GPC6: variants seen among roughly 807,000 people sequenced by gnomAD.
GPC6 encodes glypican-6.
In GPC6, 14 loss-of-function variants were observed where a neutral mutation model predicts 55.2. That is an observed-to-expected ratio of 0.25 (90% CI 0.17 to 0.40). The LOEUF (loss-of-function observed/expected upper bound fraction) is 0.40. Ranked by LOEUF, GPC6 falls within the 10% of genes least tolerant of loss-of-function variation. GPC6 has a pLI of 1.00. For missense variants in GPC6, 641 were observed against 708.5 expected (o/e 0.90, Z 1.08); for synonymous variants, 278 against 259.6 (o/e 1.07, Z -0.68).
At chr13:93,761,576 G>A (rs1201571780) in intron 2 of GPC6, among the ~76,000 whole-genome samples, 1 of 151,990 alleles carries the variant, frequency 6.6e-6, no homozygotes, top group Non-Finnish European at 1.5e-5. Flanking sequence ...CAGTGCAGTG[G>A]TGCAATCATA....
chr13:94,013,510 C>T (rs1171737662), intron 3 of GPC6, among the ~76,000 whole-genome samples: 1 of 152,100 alleles, frequency 6.6e-6, no homozygotes, highest in African/African-American at 2.4e-5. Context: ...GCCACCACAC[C>T]TGGGTAATTT....
At chr13:93,324,789 C>T (rs1269896807) in intron 1 of GPC6, among the ~76,000 whole-genome samples, 2 of 151,818 alleles carry the variant, frequency 1.3e-5, no homozygotes, top group East Asian at 3.9e-4. Context: ...CACATGGAAT[C>T]TGGAAAAGGC....
chr13:93,598,761 A>G (rs1175201550), intron 2 of GPC6, among the ~76,000 whole-genome samples: 1 of 152,232 alleles, frequency 6.6e-6, no homozygotes, highest in Non-Finnish European at 1.5e-5. Context: ...CTGAACTGGC[A>G]GCCAGCCACC....
chr13:93,250,273 C>T (rs1342172006), intron 1 of GPC6, among the ~76,000 whole-genome samples: 1 of 152,204 alleles, frequency 6.6e-6, no homozygotes, highest in Non-Finnish European at 1.5e-5. Flanking sequence ...GGAAATAAAT[C>T]TCTTAGATTG....
chr13:93,924,289 A>G (rs555791879), intron 3 of GPC6, among the ~76,000 whole-genome samples: 3 of 152,356 alleles, frequency 2.0e-5, no homozygotes, highest in South Asian at 2.1e-4. Context: ...AAAGAGTGGT[A>G]TGTGCCTGGT....
intron 2 of GPC6, among the ~76,000 whole-genome samples, chr13:93,717,881 T>C (rs191698548): frequency 2.0e-5 from 3 of 151,744 alleles, no homozygotes; most frequent in African/African-American, 7.3e-5. Context: ...TGTTCCTGTG[T>C]TAGTTGGCTG....
At chr13:93,375,817 A>T (rs1470195521) in intron 1 of GPC6, among the ~76,000 whole-genome samples, 1 of 152,218 alleles carries the variant, frequency 6.6e-6, no homozygotes. Context: ...AAGTTGGAGA[A>T]AATGAGGAGG....
intron 1 of GPC6, among the ~76,000 whole-genome samples, chr13:93,252,271 TC>T (rs147227462): frequency 6.6e-6 from 1 of 152,084 alleles, no homozygotes; most frequent in Non-Finnish European, 1.5e-5. Context: ...CCCTTTTTTT[TC>T]CCCCCAGGGG....
At chr13:93,308,190 C>T (rs1878942519) in intron 1 of GPC6, among the ~76,000 whole-genome samples, 1 of 151,898 alleles carries the variant, frequency 6.6e-6, no homozygotes, top group Non-Finnish European at 1.5e-5. Flanking sequence ...GAGGCTGAGG[C>T]AGGAGAATGG....
Position 93,897,850 on chromosome 13 carries a change from C to T in GPC6, c.711+67305C>T, listed in dbSNP as rs140690854. Among the ~76,000 whole-genome samples the T allele has an allele frequency of 2.1e-3, 324 of 152,190 alleles. 2 individuals are homozygous for T. Among genetic ancestry groups the T allele is most frequent in the African/African-American group, 7.2e-3 (299 of 41,536 alleles). ...TAGGCTACCTTGTAAAAAATTCACTCATTCTCTTTTTAATGTATTTATTAG... is the reference window on the plus strand; with the variant it reads ...TAGGCTACCTTGTAAAAAATTCACTTATTCTCTTTTTAATGTATTTATTAG... On this transcript the variant is annotated intron_variant, in intron 3 of 8. Transcript: ENST00000377047.
At chr13:94,163,541 A>G (rs1335565783) in intron 4 of GPC6, among the ~76,000 whole-genome samples, 1 of 152,210 alleles carries the variant, frequency 6.6e-6, no homozygotes, top group Non-Finnish European at 1.5e-5. Flanking sequence ...TTCAAATTTT[A>G]TGGGAGGTAT....
rs141211352 is a variant in GPC6 at position 94,053,049 on chromosome 13, G to C, written c.877+25155G>C. Among the ~76,000 whole-genome samples, 575 of 152,198 alleles carry C rather than the reference G, an allele frequency of 3.8e-3. 6 individuals carry two copies. Among genetic ancestry groups the C allele is most frequent in the African/African-American group, 0.013 (554 of 41,528 alleles). Reference sequence around the variant, plus strand: ...TCTACCAAATATGCATGTCAGAAAGGGTTTTAGAGGAGCTAAAATCAGTGA... The same window carrying C: ...TCTACCAAATATGCATGTCAGAAAGCGTTTTAGAGGAGCTAAAATCAGTGA... On this transcript the variant is annotated intron_variant, in intron 4 of 8. Coordinates refer to ENST00000377047, the MANE Select transcript of GPC6 (RefSeq NM_005708.5).
At chr13:94,211,681 CA>C (rs1171413863) in intron 4 of GPC6, among the ~76,000 whole-genome samples, 2 of 152,128 alleles carry the variant, frequency 1.3e-5, no homozygotes, top group Non-Finnish European at 2.9e-5. Flanking sequence ...GTGGTCTGTC[CA>C]AAGTTAAAGA....
chr13:94,343,994 G>A (rs1424402025), intron 6 of GPC6, among the ~76,000 whole-genome samples: 1 of 152,106 alleles, frequency 6.6e-6, no homozygotes. Flanking sequence ...GCCTCCCAAA[G>A]TTTTGGGATT....
intron 1 of GPC6, among the ~76,000 whole-genome samples, chr13:93,503,132 G>A (rs991865981): frequency 1.3e-5 from 2 of 151,958 alleles, no homozygotes; most frequent in Admixed American, 6.6e-5. Flanking sequence ...GTATCATTTA[G>A]GACTACTAGT....
At chr13:93,904,124 CA>C (rs1188391965) in intron 3 of GPC6, among the ~76,000 whole-genome samples, 1 of 152,122 alleles carries the variant, frequency 6.6e-6, no homozygotes, top group African/African-American at 2.4e-5. Flanking sequence ...GAGGTTTATA[CA>C]AACTACCTCA....
At chr13:93,324,046 G>A (rs1879552701) in intron 1 of GPC6, among the ~76,000 whole-genome samples, 1 of 152,084 alleles carries the variant, frequency 6.6e-6, no homozygotes, top group South Asian at 2.1e-4. Context: ...CAACCTAAGT[G>A]TCCATCAACA....
chr13:94,195,114 T>C (rs78294224), intron 4 of GPC6, among the ~76,000 whole-genome samples: 3,174 of 152,314 alleles, frequency 0.021, 99 homozygotes, highest in African/African-American at 0.067. Flanking sequence ...TTTAAGTCTC[T>C]TTTGAACAGA....
chr13:94,235,726 C>T (rs188636924), intron 4 of GPC6, among the ~76,000 whole-genome samples: 4 of 152,222 alleles, frequency 2.6e-5, no homozygotes. Flanking sequence ...CTTTGAAAAT[C>T]TACACTGGTC....
Sources: gnomAD v4.1 joint callset for allele counts (sites outside exome capture counted in the v4.1 genomes callset) on GRCh38, gnomAD v4.1.1 for gene constraint, MANE v1.5 for transcripts, NCBI Gene and HGNC (gene_info 2026-07-23, HGNC 2026-07-21) for gene names.